Variants in PARD3 observed in about 807,000 individuals in gnomAD.
The protein encoded by PARD3 is partitioning defective 3 homolog.
Under a neutral mutation model 155.4 loss-of-function variants are expected in PARD3, and 75 were observed. That is an observed-to-expected ratio of 0.48 (90% CI 0.40 to 0.58). The LOEUF (loss-of-function observed/expected upper bound fraction) is 0.58, where lower values mean the gene tolerates loss of function less well. Among genes scored for constraint, PARD3 ranks in the 20% least tolerant of loss-of-function variants. PARD3 has a pLI of 0.00. For synonymous variants in PARD3, 576 were observed against 610.5 expected, an observed-to-expected ratio of 0.94 and a Z score of 0.83; for missense variants, 1,642 against 1,721.7, an observed-to-expected ratio of 0.95 and a Z score of 0.82.
intron 14 of PARD3, among the ~76,000 whole-genome samples, chr10:34,350,911 T>C (rs1838007793): frequency 6.6e-6 from 1 of 152,178 alleles, no homozygotes; most frequent in Non-Finnish European, 1.5e-5. Context: ...TTTGCTACAG[T>C]AACTTGGAAA....
At chr10:34,528,527 G>GGTTTTGTTTT (rs553436342) in intron 2 of PARD3, among the ~76,000 whole-genome samples, 16 of 152,160 alleles carry the variant, frequency 1.1e-4, no homozygotes, top group South Asian at 4.2e-4. Context: ...AGTAGTGATA[G>GGTTTTGTTTT]GTTTTGTTTT....
At chr10:34,525,277 G>T (rs778120361) in intron 2 of PARD3, among the ~76,000 whole-genome samples, 20 of 152,118 alleles carry the variant, frequency 1.3e-4, no homozygotes, top group Non-Finnish European at 2.5e-4. Flanking sequence ...ATTAAGAAGG[G>T]TATATACTGT....
chr10:34,590,223 G>A lies in PARD3; in HGVS notation c.223-73064C>T, dbSNP rs561040552. ...CTAATTTAAAATTAGTGCTAAAGGA[G>A]GGGCAGGACTCACAACGTCCCCCTG... On this transcript the variant is annotated intron_variant, in intron 2 of 24. Coordinates refer to ENST00000374788, the MANE Select transcript of PARD3 (RefSeq NM_001184785.2). 7.9e-5 allele frequency among the ~76,000 whole-genome samples: 12 copies of A among 152,268 alleles called. No homozygotes were observed. The South Asian group carries it at 1.0e-3, about 13-fold the overall frequency.
intron 2 of PARD3, among the ~76,000 whole-genome samples, chr10:34,662,906 C>A (rs2496728): frequency 6.7e-6 from 1 of 150,030 alleles, no homozygotes; most frequent in Non-Finnish European, 1.5e-5. Flanking sequence ...TGAAGATCAT[C>A]ATCTTAAGTG....
intron 2 of PARD3, among the ~76,000 whole-genome samples, chr10:34,526,037 G>A (rs1176391004): frequency 3.8e-5 from 5 of 131,402 alleles, no homozygotes; most frequent in African/African-American, 5.9e-5. Context: ...AGCCAAGATC[G>A]CACCACTGCA....
chr10:34,711,175 A>T (rs1038771642), intron 1 of PARD3, among the ~76,000 whole-genome samples: 9 of 151,152 alleles, frequency 6.0e-5, no homozygotes, highest in African/African-American at 2.2e-4. Context: ...AAACCCCTAA[A>T]AAAAAGTAAA....
chr10:34,757,121 G>C (rs918120781), intron 1 of PARD3, among the ~76,000 whole-genome samples: 1 of 152,132 alleles, frequency 6.6e-6, no homozygotes, highest in South Asian at 2.1e-4. Flanking sequence ...ACAGCATTTT[G>C]CATCTTTTTC....
chr10:34,454,329 A>T (rs1564732382), intron 4 of PARD3, among the ~76,000 whole-genome samples: 1 of 152,100 alleles, frequency 6.6e-6, no homozygotes, highest in Non-Finnish European at 1.5e-5. Context: ...GCAGCATACA[A>T]TGTATTAAAT....
At chr10:34,236,177 G>T (rs74131652) in intron 22 of PARD3, among the ~76,000 whole-genome samples, 2 of 152,116 alleles carry the variant, frequency 1.3e-5, no homozygotes, top group Non-Finnish European at 2.9e-5. Flanking sequence ...TGGGGAGAGA[G>T]AGCACTTACT....
chr10:34,769,573 C>T (rs116433926), intron 1 of PARD3, among the ~76,000 whole-genome samples: 2,265 of 151,598 alleles, frequency 0.015, 44 homozygotes, highest in African/African-American at 0.051. Context: ...TTGGGCAACA[C>T]GGCAAAAACC....
intron 20 of PARD3, among the ~76,000 whole-genome samples, chr10:34,287,138 T>C (rs653496): frequency 0.51 from 76,871 of 151,996 alleles, 19,543 homozygotes; most frequent in Middle Eastern, 0.6. Context: ...GCAGACAGCA[T>C]TTAAAGCCAG....
At chr10:34,734,322 CTTTTTTTTTTTTTTTTT>C (rs142307338) in intron 1 of PARD3, among the ~76,000 whole-genome samples, 1 of 68,008 alleles carries the variant, frequency 1.5e-5, no homozygotes, top group South Asian at 7.9e-4. Context: ...ATATGGGGCC[CTTTTTTTTTTTTTTTTT>C]TTTTTTTTTT....
At chr10:34,769,997 T>C (rs1169344398) in intron 1 of PARD3, among the ~76,000 whole-genome samples, 1 of 152,092 alleles carries the variant, frequency 6.6e-6, no homozygotes, top group African/African-American at 2.4e-5. Flanking sequence ...CTGGTTAAAA[T>C]ACAGCCCCAA....
intron 15 of PARD3, chr10:34,345,615 G>C: frequency 2.0e-6 from 2 of 985,202 alleles, no homozygotes; most frequent in Non-Finnish European, 2.4e-6. Flanking sequence ...TGGTTTAGGC[G>C]AATGGAAATC....
chr10:34,143,069 C>T (rs1247759069), intron 22 of PARD3, among the ~76,000 whole-genome samples: 4 of 152,136 alleles, frequency 2.6e-5, no homozygotes, highest in Non-Finnish European at 1.5e-5. Context: ...TGCCTGTAAT[C>T]CCAGCACTTT....
intron 24 of PARD3, among the ~76,000 whole-genome samples, chr10:34,117,904 CTG>C (rs1254606222): frequency 1.3e-5 from 2 of 152,192 alleles, no homozygotes; most frequent in African/African-American, 4.8e-5. Flanking sequence ...GAACAAGACT[CTG>C]TCTCAAAAAA....
At chr10:34,702,034 G>A (rs971435018) in intron 1 of PARD3, among the ~76,000 whole-genome samples, 12 of 152,016 alleles carry the variant, frequency 7.9e-5, no homozygotes, top group South Asian at 6.3e-4. Context: ...GCATAGTGGC[G>A]GGCACCTGTA....
intron 3 of PARD3, among the ~76,000 whole-genome samples, chr10:34,476,552 T>C (rs2078717460): frequency 1.3e-5 from 2 of 152,176 alleles, no homozygotes. Flanking sequence ...CCTGTGATAC[T>C]GGCACATCAG....
At chr10:34,249,596 C>A (rs1225301998) in intron 22 of PARD3, among the ~76,000 whole-genome samples, 3 of 152,144 alleles carry the variant, frequency 2.0e-5, no homozygotes, top group Non-Finnish European at 2.9e-5. Flanking sequence ...TACTCTCCCC[C>A]AAAAAACTAA....
Sources: gnomAD v4.1 joint callset for allele counts (sites outside exome capture counted in the v4.1 genomes callset) on GRCh38, gnomAD v4.1.1 for gene constraint, MANE v1.5 for transcripts, NCBI Gene and HGNC (gene_info 2026-07-23, HGNC 2026-07-21) for gene names.